DIO2: variants seen among roughly 807,000 people sequenced by gnomAD.
The protein encoded by DIO2 is iodothyronine deiodinase 2.
In DIO2, 19 loss-of-function variants were observed where a neutral mutation model predicts 21.4. The observed-to-expected ratio is 0.89, with a 90% CI of 0.62 to 1.30. The LOEUF (loss-of-function observed/expected upper bound fraction) is 1.30. Among genes scored for constraint, DIO2 ranks in the 50% most tolerant of loss-of-function variants. DIO2 has a pLI of 0.00. For missense variants in DIO2, 302 were observed against 338.1 expected, an observed-to-expected ratio of 0.89 and a Z score of 0.84; for synonymous variants, 122 against 132.9, an observed-to-expected ratio of 0.92 and a Z score of 0.57.
chr14:80,222,413 T>C (rs1223124380), intron 2 of DIO2, among the ~76,000 whole-genome samples: 2 of 152,236 alleles, frequency 1.3e-5, no homozygotes, highest in Non-Finnish European at 2.9e-5. Context: ...TGTAACAATC[T>C]GCATTTTTCA....
At chr14:80,210,648 A>G (rs1459367097) in intron 1 of DIO2, among the ~76,000 whole-genome samples, 1 of 152,152 alleles carries the variant, frequency 6.6e-6, no homozygotes, top group Non-Finnish European at 1.5e-5. Context: ...TCGCTTCCAA[A>G]GGGTTCAAAT....
intron 2 of DIO2, among the ~76,000 whole-genome samples, chr14:80,224,534 C>CA (rs1888532179): frequency 6.7e-6 from 1 of 148,344 alleles, no homozygotes; most frequent in Non-Finnish European, 1.5e-5. Context: ...CACACACACA[C>CA]AAGACAACAA....
chr14:80,225,044 T>A (rs895297183), intron 2 of DIO2, among the ~76,000 whole-genome samples: 2 of 152,188 alleles, frequency 1.3e-5, no homozygotes, highest in Non-Finnish European at 2.9e-5. Context: ...TAGGCCAGTC[T>A]TACCTTTTCA....
intron 2 of DIO2, among the ~76,000 whole-genome samples, chr14:80,229,245 TGC>T (rs1324866115): frequency 7.4e-6 from 1 of 135,700 alleles, no homozygotes; most frequent in Non-Finnish European, 1.6e-5. Context: ...AATTAGCCAA[TGC>T]CAGAGCTCTA....
upstream of DIO2, chr14:80,211,813 A>C (rs1016932616): frequency 8.5e-6 from 1 of 118,256 alleles, no homozygotes; most frequent in East Asian, 2.6e-4. Context: ...AAGCTGGCGT[A>C]CTCGTCCCTA....
At chr14:80,212,012 A>AT (rs1888226824), upstream of DIO2, 1 of 138,318 alleles carries the variant, frequency 7.2e-6, no homozygotes. Flanking sequence ...CTTTAAGGGT[A>AT]GTTTTTTTTT....
chr14:80,219,942 T>C (rs1888432473), intron 2 of DIO2, among the ~76,000 whole-genome samples: 1 of 152,222 alleles, frequency 6.6e-6, no homozygotes, highest in African/African-American at 2.4e-5. Flanking sequence ...GTGGTATTTT[T>C]TGACCTTAGA....
chr14:80,214,709 A>G (rs1347663183), upstream of DIO2, among the ~76,000 whole-genome samples: 1 of 151,606 alleles, frequency 6.6e-6, no homozygotes, highest in East Asian at 1.9e-4. Context: ...CATGGTGCAC[A>G]ATTGCTCATT....
intron 1 of DIO2, 70 bp downstream of exon 1, chr14:80,211,181 C>T (rs1459484383): frequency 1.2e-5 from 17 of 1,454,174 alleles, no homozygotes; most frequent in Middle Eastern, 2.4e-4. Context: ...CTCCCAATGG[C>T]CTCTGGTCCC....
At chr14:80,217,339 A>G (rs752835282) in intron 2 of DIO2, among the ~76,000 whole-genome samples, 3 of 152,240 alleles carry the variant, frequency 2.0e-5, no homozygotes, top group Non-Finnish European at 2.9e-5. Context: ...TACTCTTAAA[A>G]TAATGGTTCA....
At position 80,203,295 on chromosome 14, in the gene DIO2, GT is replaced by G; in HGVS notation, c.223-8del. On this transcript the variant is annotated splice_polypyrimidine_tract_variant and splice_region_variant and intron_variant, in intron 1 of 1. Transcript: ENST00000438257. ...CATCCTCACCCAATTTCACCTGACGGTAAAAAAAAAAAAAAAGAAGAAGAAG... is the reference window on the plus strand; with the variant it reads ...CATCCTCACCCAATTTCACCTGACGGAAAAAAAAAAAAAAAGAAGAAGAAG... 2 of 1,397,838 alleles carry G rather than the reference GT, an allele frequency of 1.4e-6. No homozygotes were observed. The highest frequency in any genetic ancestry group is 9.2e-7 in the Non-Finnish European group (1 of 1,084,646). 86.6% of individuals were successfully genotyped at this position (1,397,838 alleles called of 1,614,324 possible).
chr14:80,226,459 C>A (rs1396850307), intron 2 of DIO2, among the ~76,000 whole-genome samples: 1 of 152,186 alleles, frequency 6.6e-6, no homozygotes, highest in African/African-American at 2.4e-5. Context: ...GCAGGATAGG[C>A]AAACTTGTAT....
rs1297703159 is a variant in DIO2, at chr14:80,203,109, A to C, written c.402T>G (p.Pro134=). ...LVVNFGSATU[P]PFTSQLPAFR... is the part of the protein sequence containing the mutation. Reference sequence around the variant, plus strand: ...AGGCTGGCAGCTGGCTCGTGAAAGGAGGTCAAGTGGCTGAGCCAAAGTTGA... The same window carrying C: ...AGGCTGGCAGCTGGCTCGTGAAAGGCGGTCAAGTGGCTGAGCCAAAGTTGA... The change falls in exon 2 of 2, where the codon CCT becomes CCG. Residue 134 remains proline, a synonymous_variant. Transcript: ENST00000438257. 4 of 1,613,714 alleles carry C rather than the reference A, an allele frequency of 2.5e-6. No homozygotes were observed. The African/African-American group carries it at 4.0e-5, about 16-fold the overall frequency.
intron 2 of DIO2, among the ~76,000 whole-genome samples, chr14:80,221,655 A>C (rs1280566909): frequency 1.3e-5 from 2 of 152,218 alleles, no homozygotes; most frequent in Admixed American, 1.3e-4. Context: ...ACTGTGATAA[A>C]ACAGAAGCAG....
At chr14:80,229,146 C>T (rs1888636541) in intron 2 of DIO2, among the ~76,000 whole-genome samples, 1 of 152,066 alleles carries the variant, frequency 6.6e-6, no homozygotes, top group African/African-American at 2.4e-5. Flanking sequence ...AGCCTTTTGT[C>T]CATTCAACCT....
rs5809986 is a variant in DIO2 at position 80,203,296 on chromosome 14, TAAAA to T, written c.223-12_223-9del. On this transcript the variant is annotated splice_polypyrimidine_tract_variant and intron_variant, in intron 1 of 1. Coordinates refer to ENST00000438257, the MANE Select transcript of DIO2 (RefSeq NM_013989.5). ...ATCCTCACCCAATTTCACCTGACGGTAAAAAAAAAAAAAAAGAAGAAGAAGAAGA... is the reference window on the plus strand; with the variant it reads ...ATCCTCACCCAATTTCACCTGACGGTAAAAAAAAAAAGAAGAAGAAGAAGA... 475 of 1,392,240 alleles carry T rather than the reference TAAAA, an allele frequency of 3.4e-4. No individual in the cohort carries two copies. The highest frequency in any genetic ancestry group is 1.5e-3 in the South Asian group (97 of 64,184). The allele number at this position is 1,392,240 out of a possible 1,614,324, so 86.2% of individuals were successfully genotyped here.
chr14:80,216,662 A>T (rs1653598344), intron 3 of DIO2: 1 of 152,070 alleles, frequency 6.6e-6, no homozygotes, highest in Non-Finnish European at 1.5e-5. Context: ...AATAAATAAA[A>T]AGCTGAAAAT....
At position 80,218,138 on chromosome 14, in the gene DIO2, C is replaced by T. The variant is rs138823454; in HGVS notation, c.-277-1401G>A. Among the ~76,000 whole-genome samples the T allele has an allele frequency of 3.8e-3, 578 of 152,080 alleles. 6 individuals carry two copies. The highest frequency in any genetic ancestry group is 0.013 in the African/African-American group (534 of 41,484). On this transcript the variant is annotated intron_variant, in intron 2 of 4. Transcript: ENST00000553594. ...AAAAATCTTGACAAGTTTTTTCAGA[C>T]CTGCCTAAGTCAATAGATGCCTTCT...
intron 1 of DIO2, among the ~76,000 whole-genome samples, chr14:80,204,925 G>A (rs533167008): frequency 6.6e-6 from 1 of 152,234 alleles, no homozygotes; most frequent in South Asian, 2.1e-4. Flanking sequence ...AAATCTTACT[G>A]TAATAATCTT....
Sources: allele counts gnomAD v4.1 joint callset (sites outside exome capture counted in the v4.1 genomes callset), GRCh38; gene constraint gnomAD v4.1.1; transcripts MANE v1.5; gene names NCBI Gene and HGNC (gene_info 2026-07-23, HGNC 2026-07-21).